Variants in CDH13 observed in about 807,000 individuals in gnomAD.
CDH13 encodes cadherin 13.
CDH13 carries 24 observed loss-of-function variants against 63.8 expected under a neutral mutation model. The ratio of observed to expected loss-of-function variants is 0.38; its 90% CI spans 0.27 to 0.53. CDH13 has a LOEUF of 0.53. CDH13 is among the 20% of genes least tolerant of loss of function. The pLI is 0.85. For synonymous variants in CDH13, 503 were observed against 355.3 expected, an observed-to-expected ratio of 1.42 and a Z score of -4.67; for missense variants, 1,049 against 903.1, an observed-to-expected ratio of 1.16 and a Z score of -2.07.
At chr16:83,066,019 C>T (rs1407586389) in intron 3 of CDH13, among the ~76,000 whole-genome samples, 2 of 152,168 alleles carry the variant, frequency 1.3e-5, no homozygotes, top group Admixed American at 6.5e-5. Flanking sequence ...GTAAAGCTTG[C>T]CTTCTGTAAA....
At chr16:82,633,449 G>T (rs1021773529) in intron 1 of CDH13, among the ~76,000 whole-genome samples, 1 of 152,064 alleles carries the variant, frequency 6.6e-6, no homozygotes, top group Admixed American at 6.5e-5. Flanking sequence ...GCGCGATGTC[G>T]GCTCACTGCA....
intron 1 of CDH13, among the ~76,000 whole-genome samples, chr16:82,733,278 A>C (rs1480988149): frequency 6.6e-6 from 1 of 152,336 alleles, no homozygotes; most frequent in African/African-American, 2.4e-5. Flanking sequence ...CTAACATGTA[A>C]AGTTATCAGC....
In CDH13 at chr16:83,491,456, G is replaced by T. The variant is rs542006050; in HGVS notation, c.960+4801G>T. Among the ~76,000 whole-genome samples the T allele has an allele frequency of 2.1e-4, 32 of 152,162 alleles. No homozygotes were observed. The South Asian group carries it at 6.0e-3, about 29-fold the overall frequency. On this transcript the variant is annotated intron_variant, in intron 7 of 13. Transcript: ENST00000567109. ...TAAAGGTCTCTAACGTTTGATAAAT[G>T]TTTTATTTAGTTGATCATCTTGGCT...
intron 3 of CDH13, among the ~76,000 whole-genome samples, chr16:83,103,706 C>G (rs1186741505): frequency 6.6e-6 from 1 of 152,148 alleles, no homozygotes; most frequent in Non-Finnish European, 1.5e-5. Context: ...CTTCCTGTGC[C>G]TCACTTTCCT....
chr16:83,032,311 G>GT, intron 3 of CDH13, 93 bp downstream of exon 3: 1 of 911,300 alleles, frequency 1.1e-6, no homozygotes, highest in South Asian at 1.8e-5. Context: ...TATTATGTTG[G>GT]CTAAGATTCC....
intron 6 of CDH13, among the ~76,000 whole-genome samples, chr16:83,365,876 A>C (rs190260510): frequency 6.6e-6 from 1 of 152,152 alleles, no homozygotes; most frequent in South Asian, 2.1e-4. Context: ...CAGCACCCCA[A>C]ATGATGCTGG....
chr16:82,891,953 C>T lies in CDH13; in HGVS notation c.157+33480C>T, dbSNP rs985187446. 3.3e-5 allele frequency among the ~76,000 whole-genome samples: 5 copies of T among 152,130 alleles called. No individual in the cohort carries two copies. The East Asian group carries it at 7.7e-4, about 23-fold the overall frequency. On this transcript the variant is annotated intron_variant, in intron 2 of 13. Transcript: ENST00000567109. ...CAGCTCTGAGACAATTGTTGTTGGT[C>T]AGTATCCTTTTGATCCTTTGTTTGT... is the stretch of plus-strand genomic sequence containing the variant.
chr16:82,969,274 C>G (rs1185288180), intron 2 of CDH13, among the ~76,000 whole-genome samples: 1 of 152,042 alleles, frequency 6.6e-6, no homozygotes, highest in Non-Finnish European at 1.5e-5. Flanking sequence ...TACTGTATAT[C>G]TAATGGCCCT....
At chr16:83,673,125 T>C (rs978878451) in intron 9 of CDH13, among the ~76,000 whole-genome samples, 1 of 152,230 alleles carries the variant, frequency 6.6e-6, no homozygotes, top group African/African-American at 2.4e-5. Context: ...ACAAACCTAG[T>C]CTACATACAC....
At chr16:82,630,051 G>T (rs540128377) in intron 1 of CDH13, among the ~76,000 whole-genome samples, 2 of 152,270 alleles carry the variant, frequency 1.3e-5, no homozygotes, top group East Asian at 1.9e-4. Flanking sequence ...CTGAGATTTC[G>T]CTATAAAGTG....
At chr16:82,736,862 G>T (rs534471561) in intron 1 of CDH13, among the ~76,000 whole-genome samples, 2 of 152,150 alleles carry the variant, frequency 1.3e-5, no homozygotes, top group African/African-American at 2.4e-5. Context: ...GGCCTCTCTT[G>T]GTTGTCTTCC....
chr16:82,744,851 G>A (rs997128169), intron 1 of CDH13, among the ~76,000 whole-genome samples: 2 of 152,166 alleles, frequency 1.3e-5, no homozygotes, highest in South Asian at 2.1e-4. Flanking sequence ...TGCAGAGCCT[G>A]TAAAATGGCA....
chr16:82,874,476 CA>C (rs1270705874), intron 2 of CDH13, among the ~76,000 whole-genome samples: 7 of 151,910 alleles, frequency 4.6e-5, no homozygotes, highest in Admixed American at 1.3e-4. Context: ...AGTGCTGCAC[CA>C]GCTTTTTTCT....
intron 4 of CDH13, among the ~76,000 whole-genome samples, chr16:83,211,749 C>T (rs1336723460): frequency 2.8e-5 from 4 of 145,060 alleles, no homozygotes; most frequent in East Asian, 3.9e-4. Context: ...AGCTATGCGA[C>T]GCCCACCTCC....
chr16:83,339,303 A>G (rs768760537), intron 5 of CDH13, among the ~76,000 whole-genome samples: 10 of 152,202 alleles, frequency 6.6e-5, no homozygotes, highest in Non-Finnish European at 1.3e-4. Context: ...ATAAACATGC[A>G]ACTGTATTTA....
chr16:83,523,291 A>G (rs1478829045), intron 7 of CDH13, among the ~76,000 whole-genome samples: 1 of 152,252 alleles, frequency 6.6e-6, no homozygotes, highest in Non-Finnish European at 1.5e-5. Flanking sequence ...GCATTTTTGA[A>G]TAAATAAATG....
At chr16:83,553,929 T>A (rs2075556782) in intron 7 of CDH13, among the ~76,000 whole-genome samples, 1 of 152,234 alleles carries the variant, frequency 6.6e-6, no homozygotes, top group African/African-American at 2.4e-5. Context: ...AACCACCAAT[T>A]TATTGTAGAT....
chr16:83,731,721 C>T (rs1911061344), intron 10 of CDH13, among the ~76,000 whole-genome samples: 1 of 152,266 alleles, frequency 6.6e-6, no homozygotes, highest in Non-Finnish European at 1.5e-5. Context: ...AATGCTATTT[C>T]CTAGGTTTTT....
At chr16:83,335,909 T>C (rs774648527) in intron 5 of CDH13, among the ~76,000 whole-genome samples, 3 of 152,246 alleles carry the variant, frequency 2.0e-5, no homozygotes, top group Non-Finnish European at 2.9e-5. Flanking sequence ...ATCTTGCCGA[T>C]GCCCCCGGCT....
Sources: allele counts gnomAD v4.1 joint callset (sites outside exome capture counted in the v4.1 genomes callset), GRCh38; gene constraint gnomAD v4.1.1; transcripts MANE v1.5; gene names NCBI Gene and HGNC (gene_info 2026-07-23, HGNC 2026-07-21).